OR51B5: variants seen among roughly 807,000 people sequenced by gnomAD.
OR51B5 encodes the protein olfactory receptor family 51 subfamily B member 5, also known as olfactory receptor 51B5.
For synonymous variants in OR51B5, 186 were observed against 144.8 expected (o/e 1.28, Z -2.04); for missense variants, 456 against 374.6 (o/e 1.22, Z -1.79).
At chr11:5,443,257 T>G (rs1850717175) in intron 1 of OR51B5, among the ~76,000 whole-genome samples, 1 of 152,076 alleles carries the variant, frequency 6.6e-6, no homozygotes, top group Non-Finnish European at 1.5e-5. Flanking sequence ...ATAAACAGAG[T>G]GAAATTAGAT....
chr11:5,491,882 C>T (rs1851585891), intron 1 of OR51B5, among the ~76,000 whole-genome samples: 1 of 152,164 alleles, frequency 6.6e-6, no homozygotes, highest in South Asian at 2.1e-4. Flanking sequence ...AGAGCATGTG[C>T]AAATCATTTA....
At chr11:5,422,118 A>C (rs1850348505) in intron 1 of OR51B5, 1 of 1,102,586 alleles carries the variant, frequency 9.1e-7, no homozygotes, top group East Asian at 2.4e-5. Flanking sequence ...AATTTGGATT[A>C]AATGGGGCAA....
intron 1 of OR51B5, among the ~76,000 whole-genome samples, chr11:5,437,918 G>A (rs1259841376): frequency 1.3e-5 from 2 of 152,142 alleles, no homozygotes; most frequent in Non-Finnish European, 2.9e-5. Context: ...CGATGGTTCA[G>A]GGAGGGAAAT....
chr11:5,390,563 A>C, intron 1 of OR51B5: 1 of 579,196 alleles, frequency 1.7e-6, no homozygotes, highest in Non-Finnish European at 3.0e-6. Flanking sequence ...TTAGATTTTA[A>C]TGGCTCCTCC....
At chr11:5,423,496 A>G (rs1002959272) in intron 1 of OR51B5, among the ~76,000 whole-genome samples, 2 of 152,222 alleles carry the variant, frequency 1.3e-5, no homozygotes, top group African/African-American at 4.8e-5. Context: ...AGAAGTTTAA[A>G]GGAAATCCTG....
chr11:5,462,110 T>C (rs990549633), intron 1 of OR51B5, among the ~76,000 whole-genome samples: 9 of 152,108 alleles, frequency 5.9e-5, no homozygotes, highest in Admixed American at 3.3e-4. Context: ...GGAAAAAATA[T>C]GTGAATAATA....
rs1399311899 is a variant in OR51B5, at chr11:5,472,689, T to C, written n.84+32880A>G. The stretch of plus-strand genomic sequence containing the variant: ...TGAAGACTGGCTTGTCCTGAAGTGA[T>C]CAACATTTTCAGCTCCTCATTTTGT... On this transcript the variant is annotated intron_variant and non_coding_transcript_variant, in intron 1 of 4. Coordinates refer to the OR51B5 transcript ENST00000415970. Among the ~76,000 whole-genome samples, 3 of 152,204 alleles carry C rather than the reference T, an allele frequency of 2.0e-5. No homozygotes were observed. In the East Asian group the frequency reaches 5.8e-4, roughly 29 times the overall value.
At chr11:5,404,566 T>C (rs1342534861) in intron 1 of OR51B5, among the ~76,000 whole-genome samples, 1 of 152,150 alleles carries the variant, frequency 6.6e-6, no homozygotes, top group Non-Finnish European at 1.5e-5. Flanking sequence ...AGAAACAGGA[T>C]GTGGGCGGGG....
At chr11:5,483,015 C>T (rs1851447193) in intron 1 of OR51B5, among the ~76,000 whole-genome samples, 1 of 134,956 alleles carries the variant, frequency 7.4e-6, no homozygotes, top group Admixed American at 7.6e-5. Context: ...GGGTATATAC[C>T]CAAAGGACTA....
At chr11:5,499,310 TC>T (rs1264192386) in intron 1 of OR51B5, among the ~76,000 whole-genome samples, 5 of 152,256 alleles carry the variant, frequency 3.3e-5, no homozygotes, top group African/African-American at 1.2e-4. Flanking sequence ...AATAATTCTA[TC>T]TCTGTGAATT....
intron 1 of OR51B5, among the ~76,000 whole-genome samples, chr11:5,398,020 G>C (rs947033875): frequency 6.6e-6 from 1 of 152,080 alleles, no homozygotes; most frequent in Non-Finnish European, 1.5e-5. Context: ...ATGGACACAG[G>C]AAGGGGAACA....
chr11:5,368,470 T>A (rs1026820752), intron 1 of OR51B5, among the ~76,000 whole-genome samples: 13 of 152,324 alleles, frequency 8.5e-5, no homozygotes, highest in Admixed American at 2.0e-4. Context: ...TTGCTATTAT[T>A]ACTATAATCA....
chr11:5,346,797 T>C (rs979199393), upstream of OR51B5: 92 of 152,170 alleles, frequency 6.0e-4, no homozygotes, highest in African/African-American at 2.0e-3. Context: ...ACTCTTTATA[T>C]ATCTAGGAGT....
At chr11:5,397,271 T>C (rs1462869611) in intron 1 of OR51B5, among the ~76,000 whole-genome samples, 1 of 152,026 alleles carries the variant, frequency 6.6e-6, no homozygotes, top group African/African-American at 2.4e-5. Context: ...ACAGGCAACC[T>C]ACACAATGGG....
chr11:5,388,623 A>G (rs1849739934), intron 1 of OR51B5, among the ~76,000 whole-genome samples: 1 of 150,676 alleles, frequency 6.6e-6, no homozygotes, highest in African/African-American at 2.4e-5. Flanking sequence ...AGGATAGATA[A>G]GAAAATAGGA....
intron 1 of OR51B5, among the ~76,000 whole-genome samples, chr11:5,385,796 A>C (rs866450997): frequency 2.1e-5 from 3 of 142,358 alleles, no homozygotes; most frequent in Non-Finnish European, 4.6e-5. Context: ...CCCTATACTT[A>C]TATATAAAAA....
chr11:5,364,947 CAG>C (rs772772286), intron 1 of OR51B5, among the ~76,000 whole-genome samples: 1 of 143,970 alleles, frequency 6.9e-6, no homozygotes, highest in Non-Finnish European at 1.5e-5. Context: ...CAAGGAGAAG[CAG>C]AGAGAGAGGG....
intron 1 of OR51B5, among the ~76,000 whole-genome samples, chr11:5,381,795 A>T (rs1403841927): frequency 6.6e-6 from 1 of 152,236 alleles, no homozygotes; most frequent in African/African-American, 2.4e-5. Flanking sequence ...TGGTTTTCAA[A>T]TAAATCTATT....
rs560098004 is a variant in OR51B5 at position 5,476,848 on chromosome 11, T to C, written n.84+28721A>G. On this transcript the variant is annotated intron_variant and non_coding_transcript_variant, in intron 1 of 4. Coordinates refer to the OR51B5 transcript ENST00000415970. ...CTTGCTGATATGTTACAGAGTTAGA[T>C]AGCTAACTAGCTAGGTAAAGTAAAA... Among the ~76,000 whole-genome samples, 177 of 152,176 alleles carry C rather than the reference T, an allele frequency of 1.2e-3. 3 individuals carry two copies. The highest frequency in any genetic ancestry group is 0.01 in the Middle Eastern group (3 of 294).
Sources: allele counts gnomAD v4.1 joint callset (sites outside exome capture counted in the v4.1 genomes callset), GRCh38; gene constraint gnomAD v4.1.1; transcripts MANE v1.5; gene names NCBI Gene and HGNC (gene_info 2026-07-23, HGNC 2026-07-21).